Variants in FBXL7 observed in about 807,000 individuals in gnomAD.
The protein encoded by FBXL7 is F-box/LRR-repeat protein 7.
FBXL7 carries 12 observed loss-of-function variants against 38.3 expected under a neutral mutation model. The observed-to-expected ratio is 0.31, with a 90% CI of 0.20 to 0.51. The LOEUF (loss-of-function observed/expected upper bound fraction) is 0.51, where lower values mean the gene tolerates loss of function less well. Ranked by LOEUF, FBXL7 falls within the 20% of genes least tolerant of loss-of-function variation. The probability of loss-of-function intolerance (pLI) is 0.98; values close to 1 mark genes in which losing one functional copy is unlikely to be tolerated. For missense variants in FBXL7, 567 were observed against 676.4 expected (o/e 0.84, Z 1.79); for synonymous variants, 297 against 300.9 (o/e 0.99, Z 0.13).
chr5:15,613,931 A>C (rs1740349044), intron 1 of FBXL7, among the ~76,000 whole-genome samples: 1 of 152,136 alleles, frequency 6.6e-6, no homozygotes, highest in African/African-American at 2.4e-5. Context: ...TACTTTATAA[A>C]CAGTCTTCTA....
chr5:15,924,892 G>A (rs564582448), intron 2 of FBXL7, among the ~76,000 whole-genome samples: 16 of 152,312 alleles, frequency 1.1e-4, no homozygotes, highest in Non-Finnish European at 2.2e-4. Context: ...CTCCCAAAGG[G>A]CTGGGATTAT....
chr5:15,618,108 A>C (rs1393646763), intron 2 of FBXL7, among the ~76,000 whole-genome samples: 3 of 152,110 alleles, frequency 2.0e-5, no homozygotes, highest in Non-Finnish European at 4.4e-5. Context: ...TAGGGGCTTT[A>C]AATTTTCATT....
Position 15,900,197 on chromosome 5 carries a change from A to G in FBXL7, c.128-27693A>G, listed in dbSNP as rs141847936. On this transcript the variant is annotated intron_variant, in intron 2 of 3. Coordinates refer to ENST00000504595, the MANE Select transcript of FBXL7 (RefSeq NM_012304.5). ...ATAGTACTGTACAAACACTGGATCC[A>G]GAAATATCCTCATCTTAAACCTGAG... 5.9e-5 allele frequency among the ~76,000 whole-genome samples: 9 copies of G among 152,336 alleles called. No individual in the cohort carries two copies. In the East Asian group the frequency reaches 1.7e-3, roughly 29 times the overall value.
chr5:15,928,032 C>T lies in FBXL7; in HGVS notation c.270C>T (p.Ser90=), dbSNP rs773853909. The T allele has an allele frequency of 1.9e-6, 1 of 518,108 alleles. No homozygotes were observed. The highest frequency in any genetic ancestry group is 3.9e-6 in the Non-Finnish European group (1 of 257,504). 32.1% of individuals were successfully genotyped at this position (518,108 alleles called of 1,614,324 possible). A position where few individuals can be genotyped will look rare whatever the true frequency, so the allele number is the denominator to read the frequency against. ...GGGAGACGGTGGCCATGGTGCACTC[C>T]CCGCCCCCGACCCGCCTCACACACC... The part of the protein sequence containing the change: ...ITGETVAMVH[S]PPPTRLTHPL... Residue 90 remains serine (S), a synonymous_variant, in exon 3 of 4, where the codon TCC becomes TCT. Coordinates refer to ENST00000504595, the MANE Select transcript of FBXL7 (RefSeq NM_012304.5). This position sits in a 1 kb window ranked among gnomAD's most constrained non-coding sequence, Gnocchi z 4.0.
At chr5:15,737,230 T>C (rs1268194742) in intron 2 of FBXL7, among the ~76,000 whole-genome samples, 1 of 152,206 alleles carries the variant, frequency 6.6e-6, no homozygotes, top group Non-Finnish European at 1.5e-5. Flanking sequence ...GTTTATGACA[T>C]ACTGTTACAG....
chr5:15,639,329 C>T (rs566935391), intron 2 of FBXL7, among the ~76,000 whole-genome samples: 1 of 152,242 alleles, frequency 6.6e-6, no homozygotes, highest in South Asian at 2.1e-4. Flanking sequence ...CCCATGATTC[C>T]CAGGTGTTGT....
chr5:15,779,868 A>T (rs1362592854), intron 2 of FBXL7, among the ~76,000 whole-genome samples: 1 of 152,158 alleles, frequency 6.6e-6, no homozygotes, highest in Non-Finnish European at 1.5e-5. Flanking sequence ...AGATAGAACC[A>T]CTTACTCTTG....
intron 2 of FBXL7, among the ~76,000 whole-genome samples, chr5:15,633,268 G>A (rs17601702): frequency 0.1 from 15,605 of 152,032 alleles, 895 homozygotes; most frequent in Non-Finnish European, 0.13. Flanking sequence ...TCATATTCAA[G>A]GGCTGAAAAT....
intron 2 of FBXL7, among the ~76,000 whole-genome samples, chr5:15,624,995 C>T (rs1172007806): frequency 1.3e-5 from 2 of 151,784 alleles, no homozygotes; most frequent in Non-Finnish European, 2.9e-5. Context: ...CCTGCTTTTT[C>T]CCATGAGTTG....
chr5:15,827,137 A>G (rs1032457592), intron 2 of FBXL7, among the ~76,000 whole-genome samples: 3 of 152,072 alleles, frequency 2.0e-5, no homozygotes, highest in African/African-American at 7.2e-5. Context: ...TTGGAGATGC[A>G]TCACCCTGCT....
At chr5:15,733,419 CAAG>C (rs1453814246) in intron 2 of FBXL7, among the ~76,000 whole-genome samples, 1 of 152,102 alleles carries the variant, frequency 6.6e-6, no homozygotes, top group Non-Finnish European at 1.5e-5. Context: ...AACACAATTA[CAAG>C]AAGAAAATAG....
chr5:15,932,184 T>C (rs965783417), intron 3 of FBXL7, among the ~76,000 whole-genome samples: 1 of 152,208 alleles, frequency 6.6e-6, no homozygotes, highest in Admixed American at 6.5e-5. Context: ...CAGTTAAAAA[T>C]TCCTCATCAG....
chr5:15,533,081 T>C (rs1395513784), intron 1 of FBXL7, among the ~76,000 whole-genome samples: 1 of 152,154 alleles, frequency 6.6e-6, no homozygotes, highest in Non-Finnish European at 1.5e-5. Context: ...CGAATGGGGA[T>C]ATCCAGTGGA....
intron 1 of FBXL7, among the ~76,000 whole-genome samples, chr5:15,536,627 C>T (rs770052198): frequency 6.6e-6 from 1 of 152,196 alleles, no homozygotes; most frequent in Non-Finnish European, 1.5e-5. Context: ...GAGCATCTAA[C>T]CAATGCCTGT....
chr5:15,883,572 C>T (rs770861912), intron 2 of FBXL7, among the ~76,000 whole-genome samples: 2 of 152,218 alleles, frequency 1.3e-5, no homozygotes, highest in Admixed American at 6.5e-5. Flanking sequence ...GTGAAATATG[C>T]GTCATTTTTG....
chr5:15,712,352 GA>G (rs56795994), intron 2 of FBXL7, among the ~76,000 whole-genome samples: 8,569 of 140,814 alleles, frequency 0.061, 266 homozygotes, highest in South Asian at 0.12. Context: ...TTAAAATAGT[GA>G]AAAAAAAAAA....
chr5:15,511,421 T>C (rs1372144987), intron 1 of FBXL7, among the ~76,000 whole-genome samples: 1 of 152,190 alleles, frequency 6.6e-6, no homozygotes, highest in African/African-American at 2.4e-5. Context: ...CCTTTGTGCC[T>C]ACACACAAGC....
At chr5:15,671,681 T>G (rs982698239) in intron 2 of FBXL7, among the ~76,000 whole-genome samples, 2 of 152,234 alleles carry the variant, frequency 1.3e-5, no homozygotes, top group Admixed American at 6.5e-5. Flanking sequence ...TTATGATCAA[T>G]GACTATGGTT....
chr5:15,567,462 G>A (rs1175958699), intron 1 of FBXL7, among the ~76,000 whole-genome samples: 1 of 152,036 alleles, frequency 6.6e-6, no homozygotes, highest in Non-Finnish European at 1.5e-5. Flanking sequence ...GAAACAGTGT[G>A]AGTTGAATTA....
Sources: allele counts gnomAD v4.1 joint callset (sites outside exome capture counted in the v4.1 genomes callset), GRCh38; gene constraint gnomAD v4.1.1; non-coding constraint Gnocchi (gnomAD v3.1); transcripts MANE v1.5; gene names NCBI Gene and HGNC (gene_info 2026-07-23, HGNC 2026-07-21).